WASHC3: variants seen among roughly 807,000 people sequenced by gnomAD.
WASHC3 encodes the protein WASH complex subunit CCDC53.
Under a neutral mutation model 26.1 loss-of-function variants are expected in WASHC3, and 24 were observed. The observed-to-expected ratio is 0.92, with a 90% CI of 0.66 to 1.29. The LOEUF (loss-of-function observed/expected upper bound fraction) is 1.29, where lower values mean the gene tolerates loss of function less well. Among genes scored for constraint, WASHC3 ranks in the 50% most tolerant of loss-of-function variants. The probability of loss-of-function intolerance (pLI) is 0.00; values close to 1 mark genes in which losing one functional copy is unlikely to be tolerated. For missense variants in WASHC3, 214 were observed against 229.6 expected, an observed-to-expected ratio of 0.93 and a Z score of 0.44; for synonymous variants, 77 against 75.7, an observed-to-expected ratio of 1.02 and a Z score of -0.09.
intron 6 of WASHC3, among the ~76,000 whole-genome samples, chr12:102,024,920 G>A (rs989657025): frequency 2.0e-5 from 3 of 152,030 alleles, no homozygotes; most frequent in East Asian, 1.9e-4. Flanking sequence ...CAAATATCTC[G>A]GAGATGCTTC....
chr12:102,013,246 T>TTA (rs1876559103), intron 6 of WASHC3, 54 bp from the exon 7 acceptor site: 1 of 828,628 alleles, frequency 1.2e-6, no homozygotes, highest in African/African-American at 1.7e-5. Flanking sequence ...AAAAGAGCAC[T>TTA]TACAAACTCT....
intron 6 of WASHC3, among the ~76,000 whole-genome samples, chr12:102,020,440 G>C (rs1876904291): frequency 6.6e-6 from 1 of 152,130 alleles, no homozygotes; most frequent in Non-Finnish European, 1.5e-5. Context: ...TAAATATGAA[G>C]AGAGTCCTAA....
At chr12:102,040,769 C>A (rs1182406424) in intron 4 of WASHC3, among the ~76,000 whole-genome samples, 1 of 151,998 alleles carries the variant, frequency 6.6e-6, no homozygotes, top group Non-Finnish European at 1.5e-5. Flanking sequence ...CTAGATAGAA[C>A]TGCCTGTATA....
intron 2 of WASHC3, among the ~76,000 whole-genome samples, chr12:102,057,865 C>T (rs1029117513): frequency 6.6e-6 from 1 of 151,976 alleles, no homozygotes; most frequent in African/African-American, 2.4e-5. Flanking sequence ...AATGCAATCC[C>T]TATCAATTTT....
intron 6 of WASHC3, chr12:102,019,332 T>G (rs1250554237): frequency 2.6e-5 from 9 of 340,284 alleles, no homozygotes; most frequent in Non-Finnish European, 5.2e-5. Flanking sequence ...AACAGAAATT[T>G]GGCTCTGCAT....
At chr12:102,031,836 A>G (rs571767479) in intron 5 of WASHC3, among the ~76,000 whole-genome samples, 3 of 152,318 alleles carry the variant, frequency 2.0e-5, no homozygotes, top group Admixed American at 6.5e-5. Flanking sequence ...ATTAAGCTAA[A>G]TCTGTAACAG....
At chr12:102,061,672 G>C (rs907897602) in intron 1 of WASHC3, among the ~76,000 whole-genome samples, 3 of 152,202 alleles carry the variant, frequency 2.0e-5, no homozygotes, top group Non-Finnish European at 4.4e-5. Context: ...CGGCGGCAGA[G>C]AGACAAGCGA....
intron 2 of WASHC3, among the ~76,000 whole-genome samples, chr12:102,051,753 A>T (rs1300711094): frequency 6.6e-6 from 1 of 152,240 alleles, no homozygotes; most frequent in Non-Finnish European, 1.5e-5. Flanking sequence ...GACTAAGCAA[A>T]TGATTTAAAC....
intron 6 of WASHC3, among the ~76,000 whole-genome samples, chr12:102,018,418 C>A (rs544264126): frequency 6.6e-6 from 1 of 152,204 alleles, no homozygotes; most frequent in Non-Finnish European, 1.5e-5. Context: ...TATATTCCCA[C>A]CAACAATGCA....
Position 102,061,979 on chromosome 12 carries a change from G to A in WASHC3, c.-17C>T, listed in dbSNP as rs750395158. The A allele has an allele frequency of 2.5e-6, 4 of 1,588,540 alleles. No homozygotes were observed. Among genetic ancestry groups the A allele is most frequent in the South Asian group, 1.1e-5 (1 of 87,516 alleles). On this transcript the variant is annotated 5_prime_UTR_variant, in exon 1 of 7. Coordinates refer to ENST00000240079, the MANE Select transcript of WASHC3 (RefSeq NM_016053.4). Reference sequence around the variant, plus strand: ...CTCATCCATCTCCTCAGCGGGCGGTGGACCCCGAGTTCACCCACAAACCCC... The same window carrying A: ...CTCATCCATCTCCTCAGCGGGCGGTAGACCCCGAGTTCACCCACAAACCCC...
At chr12:102,030,809 A>G (rs771280932) in intron 5 of WASHC3, among the ~76,000 whole-genome samples, 3 of 152,242 alleles carry the variant, frequency 2.0e-5, no homozygotes, top group African/African-American at 4.8e-5. Flanking sequence ...ATAACTATTT[A>G]GTATCTGCCC....
intron 2 of WASHC3, among the ~76,000 whole-genome samples, chr12:102,051,101 G>A (rs1355738206): frequency 6.6e-6 from 1 of 152,230 alleles, no homozygotes; most frequent in Non-Finnish European, 1.5e-5. Context: ...TAGAAACAGT[G>A]CCACTGATGA....
At chr12:102,034,816 G>A (rs1269024408) in intron 5 of WASHC3, among the ~76,000 whole-genome samples, 2 of 150,498 alleles carry the variant, frequency 1.3e-5, no homozygotes, top group Non-Finnish European at 3.0e-5. Flanking sequence ...GTGTGTGTGT[G>A]AGTATGTAAA....
intron 5 of WASHC3, among the ~76,000 whole-genome samples, chr12:102,028,377 G>A (rs933017157): frequency 2.0e-5 from 3 of 152,052 alleles, no homozygotes; most frequent in East Asian, 1.9e-4. Context: ...AAAAAAATAT[G>A]AGTGCCAGGA....
chr12:102,055,222 C>T (rs922770644), intron 2 of WASHC3, among the ~76,000 whole-genome samples: 2 of 152,092 alleles, frequency 1.3e-5, no homozygotes, highest in Non-Finnish European at 1.5e-5. Flanking sequence ...CAACTGATAC[C>T]ACAGAAATAC....
At chr12:102,044,751 T>C (rs1458126180) in intron 3 of WASHC3, among the ~76,000 whole-genome samples, 1 of 152,194 alleles carries the variant, frequency 6.6e-6, no homozygotes, top group Non-Finnish European at 1.5e-5. Context: ...CATTCACCAC[T>C]GAATGTTATT....
intron 2 of WASHC3, among the ~76,000 whole-genome samples, chr12:102,046,921 G>C (rs1878190238): frequency 6.6e-6 from 1 of 152,146 alleles, no homozygotes; most frequent in African/African-American, 2.4e-5. Flanking sequence ...AACATCTGTA[G>C]TTTGAAAAAT....
intron 2 of WASHC3, among the ~76,000 whole-genome samples, chr12:102,050,008 A>G (rs1014258553): frequency 3.3e-5 from 5 of 152,212 alleles, no homozygotes; most frequent in Non-Finnish European, 7.3e-5. Flanking sequence ...AAATTATTTA[A>G]AAATCCAGTA....
chr12:102,040,860 A>T (rs1338252115), intron 4 of WASHC3, among the ~76,000 whole-genome samples: 2 of 152,046 alleles, frequency 1.3e-5, no homozygotes, highest in African/African-American at 2.4e-5. Flanking sequence ...GTATATAAGC[A>T]TTAAAAGAAT....
Sources: gnomAD v4.1 joint callset for allele counts (sites outside exome capture counted in the v4.1 genomes callset) on GRCh38, gnomAD v4.1.1 for gene constraint, MANE v1.5 for transcripts, NCBI Gene and HGNC (gene_info 2026-07-23, HGNC 2026-07-21) for gene names.